The following STK39 variants were observed in gnomAD, a reference collection of about 807,000 sequenced individuals.
STK39 encodes the protein STE20/SPS1-related proline-alanine-rich protein kinase.
Under a neutral mutation model 77.8 loss-of-function variants are expected in STK39, and 20 were observed. The observed-to-expected ratio is 0.26, with a 90% confidence interval of 0.18 to 0.37. STK39 has a LOEUF of 0.37. Among genes scored for constraint, STK39 ranks in the 10% least tolerant of loss-of-function variants. The pLI, the probability that STK39 is intolerant of heterozygous loss-of-function variation, is 1.00. For missense variants in STK39, 479 were observed against 656.5 expected, an observed-to-expected ratio of 0.73 and a Z score of 2.95; for synonymous variants, 246 against 234.1, an observed-to-expected ratio of 1.05 and a Z score of -0.47.
chr2:168,148,911 A>G (rs1055030578), intron 5 of STK39, among the ~76,000 whole-genome samples: 1 of 152,136 alleles, frequency 6.6e-6, no homozygotes, highest in Non-Finnish European at 1.5e-5. Flanking sequence ...TTAAGTCCCA[A>G]TGACACTCCC....
At chr2:168,026,385 C>T (rs1684699042) in intron 14 of STK39, among the ~76,000 whole-genome samples, 2 of 152,156 alleles carry the variant, frequency 1.3e-5, no homozygotes, top group Admixed American at 6.5e-5. Flanking sequence ...TGAAAGAGGC[C>T]TTAGAGGTCA....
chr2:168,050,512 T>C (rs144966987), intron 14 of STK39, among the ~76,000 whole-genome samples: 9 of 152,284 alleles, frequency 5.9e-5, no homozygotes, highest in African/African-American at 1.9e-4. Context: ...CAAGGGTCCT[T>C]AAAAGCAGAG....
intron 14 of STK39, among the ~76,000 whole-genome samples, chr2:168,037,419 C>T (rs889150650): frequency 1.3e-5 from 2 of 152,116 alleles, no homozygotes; most frequent in Admixed American, 1.3e-4. Context: ...AGGGTTATAC[C>T]TACCCATTGA....
chr2:167,983,613 G>A (rs1257793865), intron 16 of STK39, among the ~76,000 whole-genome samples: 2 of 152,038 alleles, frequency 1.3e-5, no homozygotes, highest in Non-Finnish European at 2.9e-5. Context: ...TGACTATTAA[G>A]GGTTCAGGCA....
chr2:167,982,864 G>T (rs1683458211), intron 16 of STK39, among the ~76,000 whole-genome samples: 1 of 152,150 alleles, frequency 6.6e-6, no homozygotes, highest in South Asian at 2.1e-4. Flanking sequence ...TTCACTTTAT[G>T]TTACTCACCC....
chr2:168,188,481 C>T (rs2105645492), intron 1 of STK39, among the ~76,000 whole-genome samples: 1 of 152,352 alleles, frequency 6.6e-6, no homozygotes, highest in Middle Eastern at 3.4e-3. Context: ...TAAAAGTTCA[C>T]CACAGACTGT....
chr2:168,079,821 G>A (rs16854676), intron 10 of STK39, among the ~76,000 whole-genome samples: 5,902 of 152,246 alleles, frequency 0.039, 277 homozygotes, highest in East Asian at 0.19. Flanking sequence ...TATGTTCTAC[G>A]GATTTTACAT....
chr2:168,247,494 C>T lies in STK39; in HGVS notation c.-59G>A, dbSNP rs928269526. ...CCGACGGACGACCTTCCACTTGAAA[C>T]TTCCTTTGCCTCGCCGCCGACACCT... On this transcript the variant is annotated 5_prime_UTR_variant, in exon 1 of 18. Coordinates refer to ENST00000355999, the MANE Select transcript of STK39 (RefSeq NM_013233.3). The T allele has an allele frequency of 2.0e-5, 25 of 1,231,476 alleles. No individual in the cohort carries two copies. The Admixed American group carries it at 6.0e-4, about 30-fold the overall frequency. 76.3% of individuals were successfully genotyped at this position (1,231,476 alleles called of 1,614,324 possible).
At chr2:168,185,427 T>C (rs908457721) in intron 1 of STK39, among the ~76,000 whole-genome samples, 5 of 152,238 alleles carry the variant, frequency 3.3e-5, no homozygotes, top group Non-Finnish European at 5.9e-5. Context: ...ATAGTGATTA[T>C]GTCAATGGCA....
At chr2:168,030,227 G>A (rs971656315) in intron 14 of STK39, among the ~76,000 whole-genome samples, 1 of 152,092 alleles carries the variant, frequency 6.6e-6, no homozygotes, top group Non-Finnish European at 1.5e-5. Flanking sequence ...GTGACAGAGC[G>A]AGACTCTGTC....
At chr2:168,015,995 T>C (rs1684393388) in intron 15 of STK39, among the ~76,000 whole-genome samples, 1 of 152,156 alleles carries the variant, frequency 6.6e-6, no homozygotes, top group Non-Finnish European at 1.5e-5. Context: ...TGGCACAATC[T>C]TGACTCAATG....
intron 10 of STK39, among the ~76,000 whole-genome samples, chr2:168,106,509 T>C (rs4668017): frequency 0.14 from 21,341 of 152,244 alleles, 1,813 homozygotes; most frequent in East Asian, 0.21. Flanking sequence ...ATTAGTTACA[T>C]GTGGGGTACA....
intron 14 of STK39, among the ~76,000 whole-genome samples, chr2:168,040,367 T>A (rs748890457): frequency 6.6e-6 from 1 of 152,230 alleles, no homozygotes. Context: ...AACCCTTAAG[T>A]TGAAAAGCGT....
At chr2:168,070,364 TAAAC>T (rs1685907110) in intron 12 of STK39, among the ~76,000 whole-genome samples, 1 of 152,138 alleles carries the variant, frequency 6.6e-6, no homozygotes, top group Admixed American at 6.5e-5. Flanking sequence ...AATATGATGA[TAAAC>T]AAATGAAACA....
chr2:168,083,607 A>G (rs1347974835), intron 10 of STK39, among the ~76,000 whole-genome samples: 1 of 152,118 alleles, frequency 6.6e-6, no homozygotes. Flanking sequence ...CTGTCTATCA[A>G]GGGACAGTAT....
At chr2:168,210,572 T>C (rs1689864851) in intron 1 of STK39, among the ~76,000 whole-genome samples, 1 of 152,164 alleles carries the variant, frequency 6.6e-6, no homozygotes, top group Non-Finnish European at 1.5e-5. Flanking sequence ...CAGGCAGGAG[T>C]GCAGTGGCAT....
intron 16 of STK39, among the ~76,000 whole-genome samples, chr2:167,975,031 T>G (rs995891599): frequency 2.0e-5 from 3 of 152,350 alleles, no homozygotes; most frequent in Middle Eastern, 3.4e-3. Flanking sequence ...ATCAGTGCTA[T>G]GTACCTAATT....
At chr2:168,188,610 A>G (rs1045690215) in intron 1 of STK39, among the ~76,000 whole-genome samples, 2 of 152,200 alleles carry the variant, frequency 1.3e-5, no homozygotes, top group African/African-American at 4.8e-5. Flanking sequence ...CTACATCAAA[A>G]ATGTTCATGT....
chr2:168,040,796 T>C (rs1685083930), intron 14 of STK39, among the ~76,000 whole-genome samples: 1 of 152,214 alleles, frequency 6.6e-6, no homozygotes, highest in Non-Finnish European at 1.5e-5. Context: ...ACTATCTCTG[T>C]ATATGTTTAT....
Sources: gnomAD v4.1 joint callset for allele counts (sites outside exome capture counted in the v4.1 genomes callset) on GRCh38, gnomAD v4.1.1 for gene constraint, MANE v1.5 for transcripts, NCBI Gene and HGNC (gene_info 2026-07-23, HGNC 2026-07-21) for gene names.